DPYD: variants seen among roughly 807,000 people sequenced by gnomAD.
DPYD encodes the protein dihydropyrimidine dehydrogenase.
Under a neutral mutation model 116.2 loss-of-function variants are expected in DPYD, and 109 were observed. That is an observed-to-expected ratio of 0.94 (90% CI 0.80 to 1.10). The LOEUF is 1.10. Ranked by LOEUF, DPYD falls within the 50% of genes least tolerant of loss-of-function variation. The pLI, the probability that DPYD is intolerant of heterozygous loss-of-function variation, is 0.00. For missense variants in DPYD, 1,302 were observed against 1,254.5 expected (o/e 1.04, Z -0.57); for synonymous variants, 440 against 432.0 (o/e 1.02, Z -0.23).
At chr1:97,567,731 G>T (rs77856561) in intron 11 of DPYD, among the ~76,000 whole-genome samples, 2,001 of 152,186 alleles carry the variant, frequency 0.013, 24 homozygotes, top group Middle Eastern at 0.024. Context: ...TGCCTTTCTT[G>T]TCTTAAAATA....
intron 2 of DPYD, among the ~76,000 whole-genome samples, chr1:97,839,404 C>A (rs766634506): frequency 2.0e-5 from 3 of 152,156 alleles, no homozygotes; most frequent in East Asian, 3.9e-4. Flanking sequence ...TCACACAACA[C>A]GTTTTATGTT....
At chr1:97,756,092 T>C (rs1474941623) in intron 3 of DPYD, among the ~76,000 whole-genome samples, 1 of 152,080 alleles carries the variant, frequency 6.6e-6, no homozygotes, top group African/African-American at 2.4e-5. Context: ...CTAGAAAACA[T>C]GATGAAAAAT....
At chr1:97,416,776 G>A (rs1167929032) in intron 14 of DPYD, among the ~76,000 whole-genome samples, 2 of 152,132 alleles carry the variant, frequency 1.3e-5, no homozygotes, top group Non-Finnish European at 2.9e-5. Context: ...GGAATGGCAG[G>A]ATTAATTAAT....
intron 5 of DPYD, among the ~76,000 whole-genome samples, chr1:97,710,721 A>G (rs917611185): frequency 2.2e-5 from 3 of 134,164 alleles, no homozygotes; most frequent in Non-Finnish European, 3.1e-5. Flanking sequence ...CACCAGTATG[A>G]AAAAAAACAT....
chr1:97,604,422 T>G (rs1172866503), intron 8 of DPYD, among the ~76,000 whole-genome samples: 2 of 152,132 alleles, frequency 1.3e-5, no homozygotes, highest in Non-Finnish European at 2.9e-5. Context: ...CGTGCTACCA[T>G]ATAATTATTT....
At chr1:97,747,441 T>C (rs1242449577) in intron 3 of DPYD, among the ~76,000 whole-genome samples, 1 of 152,140 alleles carries the variant, frequency 6.6e-6, no homozygotes, top group Non-Finnish European at 1.5e-5. Context: ...GAAGCCATTC[T>C]TTATTCACCT....
intron 16 of DPYD, among the ~76,000 whole-genome samples, chr1:97,343,481 A>T (rs1350880412): frequency 6.6e-6 from 1 of 152,168 alleles, no homozygotes; most frequent in African/African-American, 2.4e-5. Flanking sequence ...ATAAGAAATC[A>T]TGCTATTTAA....
intron 18 of DPYD, among the ~76,000 whole-genome samples, chr1:97,280,366 C>T (rs189471723): frequency 1.3e-5 from 2 of 152,238 alleles, no homozygotes; most frequent in African/African-American, 4.8e-5. Flanking sequence ...ACAGAATGAA[C>T]TGCATCCAAA....
chr1:97,777,178 G>A (rs575659125), intron 3 of DPYD, among the ~76,000 whole-genome samples: 1 of 151,910 alleles, frequency 6.6e-6, no homozygotes, highest in Admixed American at 6.6e-5. Context: ...TAAATGTTTC[G>A]CTTTTTCACC....
In DPYD at chr1:97,193,238, G is replaced by A; in HGVS notation, c.2453C>T (p.Ala818Val). The A allele has an allele frequency of 6.2e-7, 1 of 1,613,432 alleles. No homozygotes were observed. Among genetic ancestry groups the A allele is most frequent in the Non-Finnish European group, 8.5e-7 (1 of 1,179,732 alleles). ...CACAGTGAAATCCTGATTCTGAATG[G>A]CACTGCATACCTAGAAAAGACAGAG... ...SGASVLQVCS[A>V]IQNQDFTVIE... Residue 818 changes from alanine to valine, a missense_variant, in exon 20 of 23, where the codon GCC becomes GTC. By Grantham distance (64) the Ala-to-Val change is moderately conservative (BLOSUM62 0). Coordinates refer to ENST00000370192, the MANE Select transcript of DPYD (RefSeq NM_000110.4).
In DPYD at chr1:97,577,222, T is replaced by C. The variant is rs186586603; in HGVS notation, c.1129-3252A>G. ...ACACACATAGTTTCCAATTCTATAC[T>C]CTACCTCCCTGCAGCACCCCCGTTT... On this transcript the variant is annotated intron_variant, in intron 10 of 22. Coordinates refer to ENST00000370192, the MANE Select transcript of DPYD (RefSeq NM_000110.4). Among the ~76,000 whole-genome samples the C allele has an allele frequency of 2.0e-4, 30 of 152,284 alleles. 1 individual carries two copies. The highest frequency in any genetic ancestry group is 2.0e-3 in the Admixed American group (30 of 15,294).
At chr1:97,458,028 C>T (rs745890031) in intron 13 of DPYD, among the ~76,000 whole-genome samples, 2 of 152,120 alleles carry the variant, frequency 1.3e-5, no homozygotes, top group Non-Finnish European at 2.9e-5. Context: ...CTCTGCCAAA[C>T]GGTAATTAAC....
intron 19 of DPYD, among the ~76,000 whole-genome samples, chr1:97,214,791 C>T (rs1046517719): frequency 6.6e-5 from 10 of 152,202 alleles, no homozygotes; most frequent in Non-Finnish European, 1.5e-4. Context: ...CTCACTGAAG[C>T]TTGTGAAGCA....
intron 18 of DPYD, chr1:97,280,211 T>C (rs1483245647): frequency 6.6e-6 from 1 of 152,072 alleles, no homozygotes; most frequent in Non-Finnish European, 1.5e-5. Flanking sequence ...TCAGAAGTCT[T>C]TTTTTTTACA....
At chr1:97,644,362 A>G (rs893406285) in intron 8 of DPYD, among the ~76,000 whole-genome samples, 3 of 152,146 alleles carry the variant, frequency 2.0e-5, no homozygotes, top group African/African-American at 4.8e-5. Context: ...TCAGGTAACT[A>G]TATGTTGCAA....
At chr1:97,488,095 A>C (rs1300064356) in intron 13 of DPYD, among the ~76,000 whole-genome samples, 2 of 152,216 alleles carry the variant, frequency 1.3e-5, no homozygotes, top group Non-Finnish European at 2.9e-5. Flanking sequence ...GTCAGCAAAA[A>C]AAAAAGGAAC....
chr1:97,587,641 T>C (rs1332981958), intron 10 of DPYD, among the ~76,000 whole-genome samples: 2 of 151,762 alleles, frequency 1.3e-5, no homozygotes, highest in Non-Finnish European at 2.9e-5. Context: ...CTGGCTAACA[T>C]GGTGAAACCC....
intron 2 of DPYD, among the ~76,000 whole-genome samples, chr1:97,848,191 G>A (rs532847605): frequency 1.3e-5 from 2 of 152,148 alleles, no homozygotes; most frequent in Admixed American, 6.5e-5. Flanking sequence ...TCCGCCTCCC[G>A]GGTTCATGCC....
chr1:97,099,173 G>A (rs11165780), intron 20 of DPYD, among the ~76,000 whole-genome samples: 50,967 of 151,886 alleles, frequency 0.34, 8,974 homozygotes, highest in Middle Eastern at 0.47. Context: ...AACTAATGTT[G>A]ATTGCAACTT....
Sources: allele counts gnomAD v4.1 joint callset (sites outside exome capture counted in the v4.1 genomes callset), GRCh38; gene constraint gnomAD v4.1.1; transcripts MANE v1.5; gene names NCBI Gene and HGNC (gene_info 2026-07-23, HGNC 2026-07-21).